Variants in PAWR observed in about 807,000 individuals in gnomAD.
PAWR encodes pro-apoptotic WT1 regulator.
PAWR carries 23 observed loss-of-function variants against 32.0 expected under a neutral mutation model. The observed-to-expected ratio is 0.72, with a 90% CI of 0.52 to 1.02. The LOEUF (loss-of-function observed/expected upper bound fraction) is 1.02, where lower values mean the gene tolerates loss of function less well. Among genes scored for constraint, PAWR ranks in the 50% least tolerant of loss-of-function variants. The pLI is 0.00. For missense variants in PAWR, 457 were observed against 437.7 expected (o/e 1.04, Z -0.39); for synonymous variants, 226 against 187.1 (o/e 1.21, Z -1.70).
At chr12:79,649,149 A>G (rs1180847283) in intron 2 of PAWR, among the ~76,000 whole-genome samples, 1 of 152,174 alleles carries the variant, frequency 6.6e-6, no homozygotes, top group African/African-American at 2.4e-5. Context: ...AAGGGCAGCC[A>G]TATTATCTCA....
At chr12:79,595,607 GA>G (rs1873721354) in intron 5 of PAWR, among the ~76,000 whole-genome samples, 1 of 152,168 alleles carries the variant, frequency 6.6e-6, no homozygotes, top group South Asian at 2.1e-4. Context: ...AGCACTTTAG[GA>G]AGCCGAGGCG....
intron 2 of PAWR, among the ~76,000 whole-genome samples, chr12:79,621,935 C>G (rs994274822): frequency 6.6e-6 from 1 of 152,028 alleles, no homozygotes; most frequent in Non-Finnish European, 1.5e-5. Flanking sequence ...CCGTTCCTTG[C>G]AACTGAATAC....
At chr12:79,687,579 C>A (rs1565708463) in intron 2 of PAWR, among the ~76,000 whole-genome samples, 1 of 152,098 alleles carries the variant, frequency 6.6e-6, no homozygotes, top group African/African-American at 2.4e-5. Flanking sequence ...CATCTTTTTA[C>A]TTATTTTCAT....
Position 79,653,924 on chromosome 12 carries a change from G to A in PAWR, c.517-32717C>T, listed in dbSNP as rs1168952395. Among the ~76,000 whole-genome samples the A allele has an allele frequency of 4.6e-5, 7 of 152,304 alleles. No homozygotes were observed. The East Asian group carries it at 7.7e-4, about 17-fold the overall frequency. On this transcript the variant is annotated intron_variant, in intron 2 of 6. Transcript: ENST00000328827. ...CCTGCAACTTTTAGTTGAGGCCTAA[G>A]AACTCAAACTGATTTATAGCATCCT...
chr12:79,606,302 A>G (rs1210741048), intron 4 of PAWR, among the ~76,000 whole-genome samples: 1 of 152,178 alleles, frequency 6.6e-6, no homozygotes, highest in Non-Finnish European at 1.5e-5. Flanking sequence ...GAATGCCCTA[A>G]AAATGCTGAA....
intron 2 of PAWR, chr12:79,668,353 G>A (rs985952883): frequency 6.6e-6 from 1 of 152,214 alleles, no homozygotes; most frequent in African/African-American, 2.4e-5. Flanking sequence ...TCACGAAATA[G>A]CCCTGAAGTA....
intron 2 of PAWR, among the ~76,000 whole-genome samples, chr12:79,669,859 C>T (rs1469734218): frequency 1.3e-5 from 2 of 151,880 alleles, no homozygotes; most frequent in Non-Finnish European, 2.9e-5. Context: ...CACCACTATA[C>T]TGGGCTAATT....
chr12:79,605,625 G>A (rs1166344847), intron 4 of PAWR, among the ~76,000 whole-genome samples: 1 of 151,774 alleles, frequency 6.6e-6, no homozygotes, highest in Non-Finnish European at 1.5e-5. Flanking sequence ...ACAGCGTATT[G>A]CCTATTATAT....
intron 2 of PAWR, among the ~76,000 whole-genome samples, chr12:79,629,570 A>G (rs950738477): frequency 6.6e-6 from 1 of 152,050 alleles, no homozygotes; most frequent in Non-Finnish European, 1.5e-5. Flanking sequence ...TTAATACAAC[A>G]TGAAGGTGGG....
chr12:79,613,687 G>A, intron 3 of PAWR, 78 bp from the exon 4 acceptor site: 1 of 686,828 alleles, frequency 1.5e-6, no homozygotes, highest in Non-Finnish European at 2.4e-6. Flanking sequence ...AGTTGATAGA[G>A]AATACCTAAT....
intron 3 of PAWR, among the ~76,000 whole-genome samples, chr12:79,617,313 C>G (rs1874787258): frequency 6.6e-6 from 1 of 152,128 alleles, no homozygotes. Flanking sequence ...GATCATGCCA[C>G]TGCACTCCAG....
chr12:79,637,139 A>G (rs1029700948), intron 2 of PAWR, among the ~76,000 whole-genome samples: 1 of 152,144 alleles, frequency 6.6e-6, no homozygotes, highest in Admixed American at 6.6e-5. Context: ...CAGGTAAGCA[A>G]TCTTTGCAAA....
Position 79,662,761 on chromosome 12 carries a change from T to C in PAWR, c.516+26968A>G, listed in dbSNP as rs150056842. 4.1e-3 allele frequency among the ~76,000 whole-genome samples: 624 copies of C among 152,354 alleles called. 12 individuals are homozygous for C. Among genetic ancestry groups the C allele is most frequent in the African/African-American group, 0.014 (592 of 41,584 alleles). On this transcript the variant is annotated intron_variant, in intron 2 of 6. Coordinates refer to ENST00000328827, the MANE Select transcript of PAWR (RefSeq NM_002583.4). ...TGAACAAAATCACATAAAGCCTATC[T>C]ACTTTTTCTTAGATTTCTAAGGGTT...
intron 2 of PAWR, among the ~76,000 whole-genome samples, chr12:79,627,159 C>T (rs1023917847): frequency 1.1e-4 from 17 of 152,186 alleles, no homozygotes; most frequent in South Asian, 2.1e-4. Context: ...CCTGAGGAAT[C>T]GCCACACTGA....
chr12:79,670,669 T>C (rs1390273202), intron 2 of PAWR, among the ~76,000 whole-genome samples: 1 of 152,148 alleles, frequency 6.6e-6, no homozygotes, highest in African/African-American at 2.4e-5. Context: ...ACCTTTCTTA[T>C]AACTACACGA....
intron 2 of PAWR, among the ~76,000 whole-genome samples, chr12:79,660,153 AATC>A (rs2136821049): frequency 6.6e-6 from 1 of 152,330 alleles, no homozygotes; most frequent in South Asian, 2.1e-4. Flanking sequence ...GGAGCTTTCC[AATC>A]AGCTACAGTG....
At chr12:79,610,141 G>A (rs1874369244) in intron 4 of PAWR, among the ~76,000 whole-genome samples, 1 of 152,220 alleles carries the variant, frequency 6.6e-6, no homozygotes, top group Non-Finnish European at 1.5e-5. Flanking sequence ...TGCCTGCAAA[G>A]GGGCCAGGGA....
At chr12:79,656,912 T>C (rs552464407) in intron 2 of PAWR, among the ~76,000 whole-genome samples, 1 of 152,246 alleles carries the variant, frequency 6.6e-6, no homozygotes, top group East Asian at 1.9e-4. Flanking sequence ...TCTCCCTGAA[T>C]TGAAAAGATG....
chr12:79,689,872 G>T lies in PAWR; in HGVS notation c.373C>A (p.Arg125Ser), dbSNP rs1252595808. 5.8e-6 allele frequency: 9 copies of T among 1,562,412 alleles called. No homozygotes were observed. The highest frequency in any genetic ancestry group is 4.8e-5 in the East Asian group (2 of 41,304). The part of the protein sequence containing the change: ...ASASAAPPPQ[R>S]DEEEPDGVPE... ...ACGCCGTCCGGCTCCTCCTCGTCACGCTGGGGCGGCGGTGCAGCCGAGGCA... is the reference window on the plus strand; with the variant it reads ...ACGCCGTCCGGCTCCTCCTCGTCACTCTGGGGCGGCGGTGCAGCCGAGGCA... The change falls in exon 2 of 7, where the codon CGT (arginine) becomes AGT (serine). Residue 125 changes from arginine to serine, a missense_variant. Transcript: ENST00000328827.
Sources: allele counts gnomAD v4.1 joint callset (sites outside exome capture counted in the v4.1 genomes callset), GRCh38; gene constraint gnomAD v4.1.1; transcripts MANE v1.5; gene names NCBI Gene and HGNC (gene_info 2026-07-23, HGNC 2026-07-21).